The following OSBP variants were observed in gnomAD, a reference collection of about 807,000 sequenced individuals.
OSBP encodes oxysterol binding protein, also known as oxysterol-binding protein 1.
Under a neutral mutation model 96.6 loss-of-function variants are expected in OSBP, and 32 were observed. The ratio of observed to expected loss-of-function variants is 0.33; its 90% CI spans 0.25 to 0.45. The LOEUF is 0.45. OSBP is among the 20% of genes least tolerant of loss of function. The probability of loss-of-function intolerance (pLI) is 1.00; values close to 1 mark genes in which losing one functional copy is unlikely to be tolerated. For missense variants in OSBP, 653 were observed against 1,029.7 expected (o/e 0.63, Z 5.01); for synonymous variants, 369 against 389.6 (o/e 0.95, Z 0.62).
At position 59,600,835 on chromosome 11, in the gene OSBP, A is replaced by G. The variant is rs1325918870; in HGVS notation, c.1163T>C (p.Ile388Thr). 2 of 1,613,810 alleles carry G rather than the reference A, an allele frequency of 1.2e-6. No individual in the cohort carries two copies. The highest frequency in any genetic ancestry group is 1.7e-6 in the Non-Finnish European group (2 of 1,179,782). The change falls in exon 6 of 14, where the codon ATC becomes ACC. Residue 388 changes from isoleucine to threonine, a missense_variant. Coordinates refer to ENST00000263847, the MANE Select transcript of OSBP (RefSeq NM_002556.3). ...GSNISGASSD[I>T]SLDEQYKHQL... ...AAGAATTACCTGTTCATCAAGGCTG[A>G]TGTCACTGCTGGCTCCACTGATATT...
In OSBP at chr11:59,601,807, G is replaced by A. The variant is rs1305497015; in HGVS notation, c.854C>T (p.Thr285Ile). The A allele has an allele frequency of 3.1e-6, 5 of 1,614,138 alleles. No homozygotes were observed. The highest frequency in any genetic ancestry group is 1.1e-5 in the South Asian group (1 of 91,088). Reference sequence around the variant, plus strand: ...TGACTTTTGCCATTTTTTACTATGGGTCTGGGCTAACATGAGGAAATCTCT... The same window carrying A: ...TGACTTTTGCCATTTTTTACTATGGATCTGGGCTAACATGAGGAAATCTCT... ...ACRDFLMLAQ[T>I]HSKKWQKSLQ... The change falls in exon 4 of 14, where the codon ACC (threonine) becomes ATC (isoleucine). Residue 285 changes from threonine to isoleucine, a missense_variant. Coordinates refer to ENST00000263847, the MANE Select transcript of OSBP (RefSeq NM_002556.3).
At chr11:59,599,741 C>T (rs1375793038) in intron 7 of OSBP, among the ~76,000 whole-genome samples, 2 of 152,116 alleles carry the variant, frequency 1.3e-5, no homozygotes, top group Admixed American at 6.5e-5. Flanking sequence ...AGGGAACTGA[C>T]AAAAGTCTAG....
In OSBP at chr11:59,608,638, G is replaced by A. The variant is rs1289383818; in HGVS notation, c.668C>T (p.Thr223Met). 2.5e-6 allele frequency: 4 copies of A among 1,614,130 alleles called. No homozygotes were observed. The highest frequency in any genetic ancestry group is 3.4e-6 in the Non-Finnish European group (4 of 1,179,984). The change falls in exon 3 of 14, where the codon ACG (threonine) becomes ATG (methionine). Residue 223 changes from threonine (T) to methionine (M), a missense_variant. Around this residue, in one of 6 missense-constraint regions of OSBP, gnomAD observed 308 missense variants for 573.1 expected, o/e 0.54. Transcript: ENST00000263847. Reference sequence around the variant, plus strand: ...ATGCTTAGCTATCAAGTCATTGCACGTGCTCAAGTCCTCTACTTTGCTAGA... The same window carrying A: ...ATGCTTAGCTATCAAGTCATTGCACATGCTCAAGTCCTCTACTTTGCTAGA... Reference protein sequence around the residue: ...TLSSKVEDLSTCNDLIAKHGT... With the variant: ...TLSSKVEDLSMCNDLIAKHGT...
chr11:59,604,034 G>A (rs958896655), intron 3 of OSBP, among the ~76,000 whole-genome samples: 13 of 152,268 alleles, frequency 8.5e-5, no homozygotes, highest in Admixed American at 6.5e-4. Flanking sequence ...AAACAGTACA[G>A]AGTGCATACT....
chr11:59,610,309 G>A lies in OSBP; in HGVS notation c.571+72C>T, dbSNP rs557941273. ...TGATAATCAAATGACACAGCATAAT[G>A]ATGACAAACAAAATCTGTGCATAAA... On this transcript the variant is annotated intron_variant, in intron 2 of 13. Transcript: ENST00000263847. 17 of 1,276,006 alleles carry A rather than the reference G, an allele frequency of 1.3e-5. No homozygotes were observed. In the African/African-American group the frequency reaches 2.3e-4, roughly 18 times the overall value. 79.0% of individuals were successfully genotyped at this position (1,276,006 alleles called of 1,614,324 possible). A position where few individuals can be genotyped will look rare whatever the true frequency, so the allele number is the denominator to read the frequency against.
intron 9 of OSBP, among the ~76,000 whole-genome samples, chr11:59,584,395 A>C (rs1039786311): frequency 2.6e-5 from 4 of 152,230 alleles, no homozygotes; most frequent in Non-Finnish European, 5.9e-5. Context: ...TCCTCAATAA[A>C]AAACTAGGAA....
intron 3 of OSBP, among the ~76,000 whole-genome samples, chr11:59,604,424 G>A (rs116788580): frequency 6.6e-6 from 1 of 152,072 alleles, no homozygotes; most frequent in African/African-American, 2.4e-5. Flanking sequence ...AAAAGAGGCT[G>A]GGTATAGTGG....
intron 9 of OSBP, among the ~76,000 whole-genome samples, chr11:59,588,684 A>G (rs988466061): frequency 6.6e-6 from 1 of 152,062 alleles, no homozygotes; most frequent in African/African-American, 2.4e-5. Flanking sequence ...GTAAGGTGCT[A>G]AATTTTATGT....
rs369375135 is a variant in OSBP, at chr11:59,600,859, T to C, written c.1139A>G (p.Asn380Ser). 2 of 1,613,662 alleles carry C rather than the reference T, an allele frequency of 1.2e-6. No homozygotes were observed. The highest frequency in any genetic ancestry group is 1.7e-5 in the Admixed American group (1 of 60,004). The change falls in exon 6 of 14, where the codon AAT becomes AGT. Residue 380 changes from asparagine to serine, a missense_variant. Asn to Ser is a conservative substitution (Grantham distance 46). This residue lies in a region of OSBP where 308 missense variants were observed against 573.1 expected (regional missense o/e 0.54). Coordinates refer to ENST00000263847, the MANE Select transcript of OSBP (RefSeq NM_002556.3). ...GATGTCACTGCTGGCTCCACTGATATTGCTGCCAGTACGTCTGTACAGATG... is the reference window on the plus strand; with the variant it reads ...GATGTCACTGCTGGCTCCACTGATACTGCTGCCAGTACGTCTGTACAGATG... ...ENLGHKRTGS[N>S]ISGASSDISL...
intron 9 of OSBP, among the ~76,000 whole-genome samples, chr11:59,583,265 T>G (rs941299230): frequency 5.9e-5 from 9 of 151,952 alleles, no homozygotes; most frequent in African/African-American, 2.2e-4. Flanking sequence ...TGAGCCAAGA[T>G]CACATCACTG....
rs1860420121 is a variant in OSBP at position 59,581,512 on chromosome 11, G to C, written c.1721C>G (p.Thr574Ser). The C allele has an allele frequency of 6.2e-7, 1 of 1,612,934 alleles. No homozygotes were observed. The highest frequency in any genetic ancestry group is 8.5e-7 in the Non-Finnish European group (1 of 1,179,030). Residue 574 changes from threonine to serine, a missense_variant, in exon 10 of 14, where the codon ACT becomes AGT. By Grantham distance (58) the Thr-to-Ser change is moderately conservative (BLOSUM62 1). Transcript: ENST00000263847. The stretch of plus-strand genomic sequence containing the variant: ...TACAGTTGTGGTAACTTTCTTCCAA[G>C]TGTAGTGGTGCCCAGTTGCATGGAA... ...CIFHATGHHY[T>S]WKKVTTTVHN...
At position 59,615,762 on chromosome 11, in the gene OSBP, G is replaced by A. The variant is rs1468064843; in HGVS notation, c.-98C>T. On this transcript the variant is annotated 5_prime_UTR_variant, in exon 1 of 14. Coordinates refer to ENST00000263847, the MANE Select transcript of OSBP (RefSeq NM_002556.3). Reference sequence around the variant, plus strand: ...CACGGCTACCGCATCAGCCACCGCCGCGCAGCGTCCCCGCCCCGCCCGGCC... The same window carrying A: ...CACGGCTACCGCATCAGCCACCGCCACGCAGCGTCCCCGCCCCGCCCGGCC... The A allele has an allele frequency of 7.4e-6, 9 of 1,215,986 alleles. No individual in the cohort carries two copies. Among genetic ancestry groups the A allele is most frequent in the African/African-American group, 1.6e-5 (1 of 63,022 alleles). The allele number at this position is 1,215,986 out of a possible 1,614,324, so 75.3% of individuals were successfully genotyped here. A position where few individuals can be genotyped will look rare whatever the true frequency, so the allele number is the denominator to read the frequency against.
intron 2 of OSBP, 85 bp downstream of exon 2, chr11:59,610,296 G>T: frequency 8.9e-7 from 1 of 1,121,024 alleles, no homozygotes; most frequent in Non-Finnish European, 1.4e-6. Flanking sequence ...ATAATCAAAT[G>T]ACACAGCATA....
Position 59,574,509 on chromosome 11 carries a change from T to G in OSBP, c.*2068A>C. The G allele has an allele frequency of 6.6e-6, 1 of 152,640 alleles. No individual in the cohort carries two copies. Among genetic ancestry groups the G allele is most frequent in the East Asian group, 1.9e-4 (1 of 5,204 alleles). The allele number at this position is 152,640 out of a possible 1,614,324, so 9.5% of individuals were successfully genotyped here. The stretch of plus-strand genomic sequence containing the variant: ...GTGTTTTGTTTTCATGTGACTTTAT[T>G]CCACCTGAAAGATTCTAAACTTCTT... On this transcript the variant is annotated 3_prime_UTR_variant, in exon 14 of 14. Transcript: ENST00000263847.
intron 3 of OSBP, among the ~76,000 whole-genome samples, chr11:59,606,759 T>G (rs1289399182): frequency 1.3e-5 from 2 of 152,272 alleles, no homozygotes; most frequent in Admixed American, 6.5e-5. Flanking sequence ...AGAGCTGTGA[T>G]GCTCTAGCAT....
chr11:59,577,059 T>A (rs1175085867), intron 12 of OSBP, 34 bp from the exon 13 acceptor site: 1 of 1,574,134 alleles, frequency 6.4e-7, no homozygotes, highest in Non-Finnish European at 8.7e-7. Flanking sequence ...GAAATGGTAA[T>A]CCCAGAGCCC....
intron 3 of OSBP, among the ~76,000 whole-genome samples, chr11:59,608,126 A>ATAC (rs1565121062): frequency 5.7e-4 from 86 of 151,078 alleles, no homozygotes; most frequent in Middle Eastern, 3.4e-3. Flanking sequence ...AAAATAAATA[A>ATAC]ATACATACAT....
chr11:59,593,387 A>G (rs1225390831), intron 9 of OSBP: 1 of 534,550 alleles, frequency 1.9e-6, no homozygotes. Context: ...AGCTAAGAGG[A>G]TAAAGAATTT....
At chr11:59,602,289 T>C (rs943580603) in intron 3 of OSBP, among the ~76,000 whole-genome samples, 1 of 152,320 alleles carries the variant, frequency 6.6e-6, no homozygotes, top group African/African-American at 2.4e-5. Flanking sequence ...GAATCCACAC[T>C]GAGGTAGACC....
Sources: gnomAD v4.1 joint callset for allele counts (sites outside exome capture counted in the v4.1 genomes callset) on GRCh38, gnomAD v4.1.1 for gene constraint, gnomAD v4.1.1 regional missense constraint, MANE v1.5 for transcripts, NCBI Gene and HGNC (gene_info 2026-07-23, HGNC 2026-07-21) for gene names.